The following C8orf34 variants were observed in gnomAD, a reference collection of about 807,000 sequenced individuals.
The protein encoded by C8orf34 is uncharacterized protein C8orf34.
Under a neutral mutation model 68.3 loss-of-function variants are expected in C8orf34, and 65 were observed. That is an observed-to-expected ratio of 0.95 (90% CI 0.78 to 1.17). The LOEUF is 1.17. C8orf34 is among the 50% of genes most tolerant of loss of function. C8orf34 has a pLI of 0.00. For missense variants in C8orf34, 664 were observed against 655.4 expected, an observed-to-expected ratio of 1.01 and a Z score of -0.14; for synonymous variants, 244 against 241.2, an observed-to-expected ratio of 1.01 and a Z score of -0.11.
In C8orf34 at chr8:68,532,997, C is replaced by G; in HGVS notation, c.953C>G (p.Pro318Arg). 1.3e-6 allele frequency: 2 copies of G among 1,592,126 alleles called. No individual in the cohort carries two copies. The highest frequency in any genetic ancestry group is 1.7e-6 in the Non-Finnish European group (2 of 1,167,732). The change falls in exon 7 of 14, where the codon CCT becomes CGT. Residue 318 changes from proline (P) to arginine (R), a missense_variant. By Grantham distance (103) the Pro-to-Arg change is moderately radical (BLOSUM62 -2). Coordinates refer to ENST00000518698, the MANE Select transcript of C8orf34 (RefSeq NM_052958.4). ...SSPAGSLKME[P>R]KNKGLKQQQQ... ...TATTTCTTCAGCTTAAAGATGGAGCCTAAGAACAAAGGATTAAAACAGCAG... is the reference window on the plus strand; with the variant it reads ...TATTTCTTCAGCTTAAAGATGGAGCGTAAGAACAAAGGATTAAAACAGCAG...
chr8:68,780,315 T>G (rs1375737458), intron 11 of C8orf34, among the ~76,000 whole-genome samples: 2 of 152,196 alleles, frequency 1.3e-5, no homozygotes, highest in African/African-American at 4.8e-5. Context: ...ATCTTTTGTT[T>G]TTTTTCCTAA....
At chr8:68,371,784 G>C (rs1188181843) in intron 1 of C8orf34, among the ~76,000 whole-genome samples, 1 of 151,914 alleles carries the variant, frequency 6.6e-6, no homozygotes, top group Non-Finnish European at 1.5e-5. Context: ...ATTTTTAGTA[G>C]AGAGGTGATT....
At chr8:68,401,985 T>G (rs1319562801) in intron 1 of C8orf34, among the ~76,000 whole-genome samples, 1 of 152,018 alleles carries the variant, frequency 6.6e-6, no homozygotes, top group Non-Finnish European at 1.5e-5. Flanking sequence ...TCAGGATGAC[T>G]TGTATTAGCT....
At chr8:68,564,895 G>A (rs1356325698) in intron 7 of C8orf34, among the ~76,000 whole-genome samples, 2 of 152,124 alleles carry the variant, frequency 1.3e-5, no homozygotes, top group African/African-American at 4.8e-5. Flanking sequence ...AACAAATGAG[G>A]GTATCCTCCC....
intron 8 of C8orf34, among the ~76,000 whole-genome samples, chr8:68,704,549 G>A (rs1195023566): frequency 3.3e-5 from 5 of 152,094 alleles, no homozygotes; most frequent in Admixed American, 2.0e-4. Context: ...TGTAGGTAAT[G>A]AGAAGCCAAT....
intron 1 of C8orf34, among the ~76,000 whole-genome samples, chr8:68,418,136 A>G (rs1283937341): frequency 6.8e-6 from 1 of 146,656 alleles, no homozygotes; most frequent in Admixed American, 6.8e-5. Flanking sequence ...ATTTTTGTAC[A>G]TTGATTTTGT....
At chr8:68,742,963 C>A (rs1048281266) in intron 10 of C8orf34, among the ~76,000 whole-genome samples, 2 of 152,204 alleles carry the variant, frequency 1.3e-5, no homozygotes, top group African/African-American at 4.8e-5. Flanking sequence ...CCATCTTAGT[C>A]TTCTTTGCTA....
intron 1 of C8orf34, among the ~76,000 whole-genome samples, chr8:68,410,886 T>C (rs1340056664): frequency 6.6e-6 from 1 of 152,198 alleles, no homozygotes; most frequent in Non-Finnish European, 1.5e-5. Context: ...CAGAATGCAG[T>C]TCTTCAATGA....
intron 10 of C8orf34, among the ~76,000 whole-genome samples, chr8:68,771,430 A>G (rs1464696086): frequency 6.6e-6 from 1 of 152,198 alleles, no homozygotes; most frequent in African/African-American, 2.4e-5. Flanking sequence ...AAATTATAGT[A>G]TGAAATTAGG....
intron 8 of C8orf34, among the ~76,000 whole-genome samples, chr8:68,664,062 G>A (rs922578921): frequency 4.6e-5 from 7 of 152,174 alleles, no homozygotes; most frequent in African/African-American, 1.7e-4. Context: ...AGGGGAAAGA[G>A]GAGTGGGGTT....
At chr8:68,552,154 A>T (rs1586362830) in intron 7 of C8orf34, among the ~76,000 whole-genome samples, 2 of 152,288 alleles carry the variant, frequency 1.3e-5, no homozygotes, top group Middle Eastern at 6.8e-3. Context: ...TTTGGAAATG[A>T]GTAAGTCCTC....
chr8:68,636,411 TA>T (rs71253099), intron 7 of C8orf34, among the ~76,000 whole-genome samples: 48,572 of 141,664 alleles, frequency 0.34, 9,037 homozygotes, highest in Non-Finnish European at 0.44. Context: ...CTGCCTCTAC[TA>T]AAAAAAAAAA....
intron 12 of C8orf34, among the ~76,000 whole-genome samples, chr8:68,813,723 T>C (rs1314932328): frequency 6.6e-6 from 1 of 152,120 alleles, no homozygotes; most frequent in East Asian, 1.9e-4. Context: ...CTAACATTTG[T>C]TGTTGTTCTG....
chr8:68,788,790 C>T (rs1366484629), intron 12 of C8orf34, among the ~76,000 whole-genome samples: 4 of 151,638 alleles, frequency 2.6e-5, no homozygotes, highest in African/African-American at 7.3e-5. Context: ...AACTGGGAGG[C>T]GGAGGTTGCA....
At chr8:68,660,563 G>GGGA (rs1337608004) in intron 8 of C8orf34, among the ~76,000 whole-genome samples, 1 of 152,146 alleles carries the variant, frequency 6.6e-6, no homozygotes, top group Non-Finnish European at 1.5e-5. Context: ...ACGTAATGGG[G>GGGA]GGAGGGCTAA....
chr8:68,507,897 T>C (rs1563494206), intron 5 of C8orf34, among the ~76,000 whole-genome samples: 1 of 152,232 alleles, frequency 6.6e-6, no homozygotes, highest in Non-Finnish European at 1.5e-5. Context: ...CTAGATTTAA[T>C]TACTGGTAGT....
At chr8:68,405,234 C>T (rs375740097) in intron 1 of C8orf34, among the ~76,000 whole-genome samples, 24 of 152,086 alleles carry the variant, frequency 1.6e-4, no homozygotes, top group African/African-American at 4.8e-4. Flanking sequence ...AGGGCTCTTA[C>T]GTTGGATCTT....
At chr8:68,721,284 C>T in intron 9 of C8orf34, 77 bp from the exon 10 acceptor site, 1 of 921,676 alleles carries the variant, frequency 1.1e-6, no homozygotes, top group Non-Finnish European at 1.7e-6. Context: ...TTATTCTTCT[C>T]ACAACAGGTT....
At chr8:68,452,704 T>TG (rs375589776) in intron 3 of C8orf34, among the ~76,000 whole-genome samples, 1 of 150,572 alleles carries the variant, frequency 6.6e-6, no homozygotes, top group Middle Eastern at 3.2e-3. Context: ...TTTTTCCACT[T>TG]GGGGGGATTA....
Sources: gnomAD v4.1 joint callset for allele counts (sites outside exome capture counted in the v4.1 genomes callset) on GRCh38, gnomAD v4.1.1 for gene constraint, MANE v1.5 for transcripts, NCBI Gene and HGNC (gene_info 2026-07-23, HGNC 2026-07-21) for gene names.